CFAP54: variants seen among roughly 807,000 people sequenced by gnomAD.
The protein encoded by CFAP54 is cilia and flagella associated protein 54.
In CFAP54, 290 loss-of-function variants were observed where a neutral mutation model predicts 370.4. The observed-to-expected ratio is 0.78, with a 90% CI of 0.71 to 0.86. The LOEUF is 0.86. CFAP54 is among the 40% of genes least tolerant of loss of function. The pLI, the probability that CFAP54 is intolerant of heterozygous loss-of-function variation, is 0.00. For synonymous variants in CFAP54, 1,206 were observed against 1,236.5 expected, an observed-to-expected ratio of 0.98 and a Z score of 0.52; for missense variants, 3,399 against 3,528.7, an observed-to-expected ratio of 0.96 and a Z score of 0.93.
chr12:96,575,429 T>G (rs1592858765), intron 19 of CFAP54, among the ~76,000 whole-genome samples: 1 of 152,198 alleles, frequency 6.6e-6, no homozygotes, highest in Non-Finnish European at 1.5e-5. Context: ...TCAGTGTGCT[T>G]TCGGTGTTCC....
intron 32 of CFAP54, among the ~76,000 whole-genome samples, chr12:96,640,582 G>C (rs1418020743): frequency 6.6e-6 from 1 of 152,074 alleles, no homozygotes; most frequent in African/African-American, 2.4e-5. Context: ...CTACTTTAAA[G>C]TTCATATAGA....
chr12:96,498,393 G>A (rs1592814057), intron 1 of CFAP54, among the ~76,000 whole-genome samples: 1 of 152,248 alleles, frequency 6.6e-6, no homozygotes, highest in Non-Finnish European at 1.5e-5. Context: ...CGTGGCTCAC[G>A]CCTGTAATCC....
chr12:96,675,852 A>G (rs1310405419), intron 39 of CFAP54, among the ~76,000 whole-genome samples: 1 of 149,294 alleles, frequency 6.7e-6, no homozygotes, highest in Non-Finnish European at 1.5e-5. Flanking sequence ...AAAACCAAAC[A>G]CTGCATATTC....
At chr12:96,511,221 G>A (rs1218506019) in intron 4 of CFAP54, among the ~76,000 whole-genome samples, 3 of 151,968 alleles carry the variant, frequency 2.0e-5, no homozygotes, top group African/African-American at 7.2e-5. Flanking sequence ...CAATTTTGGG[G>A]GTCACTGATT....
chr12:96,518,243 T>C (rs1352485207), intron 5 of CFAP54, among the ~76,000 whole-genome samples: 2 of 152,248 alleles, frequency 1.3e-5, no homozygotes, highest in African/African-American at 2.4e-5. Flanking sequence ...GCTGTAAGCC[T>C]TTTTCATTTT....
chr12:96,608,607 A>G (rs1422164728), intron 26 of CFAP54, among the ~76,000 whole-genome samples: 1 of 151,796 alleles, frequency 6.6e-6, no homozygotes. Flanking sequence ...GATTACAGGC[A>G]TGCACCACTA....
chr12:96,569,593 C>T (rs974760873), intron 19 of CFAP54, among the ~76,000 whole-genome samples: 1 of 152,196 alleles, frequency 6.6e-6, no homozygotes, highest in Non-Finnish European at 1.5e-5. Flanking sequence ...CCAGTTGTTT[C>T]ATCTGGTTTT....
chr12:96,733,613 A>G (rs557625956), intron 50 of CFAP54, among the ~76,000 whole-genome samples: 74 of 151,590 alleles, frequency 4.9e-4, no homozygotes, highest in Admixed American at 1.7e-3. Context: ...TTAAATGGAA[A>G]AATATTTGGG....
At chr12:96,606,684 G>A (rs1343165278) in intron 26 of CFAP54, among the ~76,000 whole-genome samples, 1 of 152,214 alleles carries the variant, frequency 6.6e-6, no homozygotes, top group Admixed American at 6.5e-5. Flanking sequence ...GAGCGGGCCA[G>A]TTGGTAAAGG....
rs1180957375 is a variant in CFAP54, at chr12:96,786,321, C to T, written c.8456-354C>T. 2.6e-5 allele frequency among the ~76,000 whole-genome samples: 4 copies of T among 151,660 alleles called. No individual in the cohort carries two copies. The East Asian group carries it at 7.8e-4, about 29-fold the overall frequency. On this transcript the variant is annotated intron_variant, in intron 61 of 67. Transcript: ENST00000524981. ...TCAGGCTTCTGAGTAGCTGGGATTA[C>T]AGGCGTGTGCCACCATGCCCAGCTA... is the stretch of plus-strand genomic sequence containing the variant.
At chr12:96,620,034 A>T (rs1189665878) in intron 26 of CFAP54, among the ~76,000 whole-genome samples, 1 of 152,174 alleles carries the variant, frequency 6.6e-6, no homozygotes, top group Non-Finnish European at 1.5e-5. Context: ...AAAAACTCAC[A>T]AAATTTATTT....
At chr12:96,756,591 G>A (rs1193464669) in intron 57 of CFAP54, 28 bp downstream of exon 57, 1 of 1,470,114 alleles carries the variant, frequency 6.8e-7, no homozygotes, top group Non-Finnish European at 9.5e-7. Context: ...TGTTGTAGCT[G>A]TGTGTGTTTG....
At chr12:96,499,244 C>T (rs1954995156) in intron 1 of CFAP54, among the ~76,000 whole-genome samples, 1 of 152,106 alleles carries the variant, frequency 6.6e-6, no homozygotes, top group Admixed American at 6.6e-5. Flanking sequence ...TCCCGAAGTG[C>T]TGGGATTACA....
chr12:96,554,927 C>T (rs925231784), intron 17 of CFAP54, 125 bp downstream of exon 17: 23 of 828,182 alleles, frequency 2.8e-5, no homozygotes, highest in Admixed American at 7.9e-5. Context: ...TCATTTTTTT[C>T]TACTTCCCTA....
intron 60 of CFAP54, among the ~76,000 whole-genome samples, chr12:96,779,162 A>T (rs1042737967): frequency 1.3e-5 from 2 of 151,896 alleles, no homozygotes; most frequent in African/African-American, 4.8e-5. Context: ...ATTAATTAAC[A>T]CAAAGGAAAC....
rs1340729611 is a variant in CFAP54, at chr12:96,522,105, CA to C, written c.1078del (p.Arg360GlufsTer18). 6.5e-7 allele frequency: 1 copy of C among 1,535,428 alleles called. No homozygotes were observed. Among genetic ancestry groups the C allele is most frequent in the Admixed American group, 2.0e-5 (1 of 50,844 alleles). Reference protein sequence around the residue: ...ATMKMAVMIFKRGVFESRRKN... With the variant: ...ATMKMAVMIFXRGVFESRRKN... The stretch of plus-strand genomic sequence containing the variant: ...TGAGGCAGATGGCAGTGATGATCTT[CA>C]AAAGAGGAGTCTTTGAATCTAGAAG... On this transcript the variant is annotated frameshift_variant, in exon 8 of 68. Coordinates refer to ENST00000524981, the MANE Select transcript of CFAP54 (RefSeq NM_001306084.2). LOFTEE classifies it high-confidence loss of function.
At position 96,841,696 on chromosome 12, in the gene CFAP54, C is replaced by G. The variant is rs770299012; in HGVS notation, c.9171+12608C>G. Among the ~76,000 whole-genome samples the G allele has an allele frequency of 3.3e-5, 5 of 152,196 alleles. No individual in the cohort carries two copies. The South Asian group carries it at 1.0e-3, about 32-fold the overall frequency. ...GTAGCATAATATGTTAGGAAGAGCA[C>G]TTAGCACACGTTCTAGTCCCAGTTT... On this transcript the variant is annotated intron_variant, in intron 66 of 67. Transcript: ENST00000524981.
Position 96,576,627 on chromosome 12 carries a change from GC to G in CFAP54, c.2665del (p.Leu889TyrfsTer32), listed in dbSNP as rs1955979936. The G allele has an allele frequency of 3.3e-6, 5 of 1,534,572 alleles. No homozygotes were observed. Among genetic ancestry groups the G allele is most frequent in the Non-Finnish European group, 3.5e-6 (4 of 1,145,904 alleles). ...TCAGAGGATTGAAGCTGAACAAAAT[GC>G]CCTATATTCCTATCAGAAATATTTG... is the stretch of plus-strand genomic sequence containing the variant. ...LIQRIEAEQN[A>X]LYSYQKYLES... On this transcript the variant is annotated frameshift_variant, in exon 20 of 68. Transcript: ENST00000524981. LOFTEE classifies it high-confidence loss of function.
At chr12:96,770,327 A>T (rs552812173) in intron 60 of CFAP54, among the ~76,000 whole-genome samples, 2 of 151,872 alleles carry the variant, frequency 1.3e-5, no homozygotes, top group African/African-American at 2.4e-5. Flanking sequence ...GAGTCCAGAA[A>T]CTCCACTCAG....
Sources: gnomAD v4.1 joint callset for allele counts (sites outside exome capture counted in the v4.1 genomes callset) on GRCh38, gnomAD v4.1.1 for gene constraint, MANE v1.5 for transcripts, NCBI Gene and HGNC (gene_info 2026-07-23, HGNC 2026-07-21) for gene names.